Variants in TMEM220 observed in about 807,000 individuals in gnomAD.
TMEM220 encodes the protein transmembrane protein 220.
Under a neutral mutation model 21.7 loss-of-function variants are expected in TMEM220, and 21 were observed. That is an observed-to-expected ratio of 0.97 (90% CI 0.69 to 1.39). The LOEUF (loss-of-function observed/expected upper bound fraction) is 1.39. Ranked by LOEUF, TMEM220 falls within the 40% of genes most tolerant of loss-of-function variation. The probability of loss-of-function intolerance (pLI) is 0.00; values close to 1 mark genes in which losing one functional copy is unlikely to be tolerated. For missense variants in TMEM220, 191 were observed against 201.9 expected (o/e 0.95, Z 0.33); for synonymous variants, 80 against 73.6 (o/e 1.09, Z -0.45).
Position 10,715,527 on chromosome 17 carries a change from T to TA in TMEM220, c.408dup (p.Ile137TyrfsTer9). The TA allele has an allele frequency of 6.2e-7, 1 of 1,605,550 alleles. No individual in the cohort carries two copies. Among genetic ancestry groups the TA allele is most frequent in the East Asian group, 2.3e-5 (1 of 44,436 alleles). Reference sequence around the variant, plus strand: ...TTAATATATATGTAGACCCATGAGATAAATGGGAAAAGTGTGATTACAATG... The same window carrying TA: ...TTAATATATATGTAGACCCATGAGATAAAATGGGAAAAGTGTGATTACAATG... On this transcript the variant is annotated frameshift_variant, in exon 6 of 6. Coordinates refer to ENST00000341871, the MANE Select transcript of TMEM220 (RefSeq NM_001004313.3). LOFTEE classifies it high-confidence loss of function.
chr17:10,720,327 T>C (rs1470992166), intron 5 of TMEM220, among the ~76,000 whole-genome samples: 1 of 152,222 alleles, frequency 6.6e-6, no homozygotes, highest in Non-Finnish European at 1.5e-5. Flanking sequence ...GAGAACTGGT[T>C]GATTAAGCTA....
At chr17:10,729,483 C>G (rs2151483916) in intron 1 of TMEM220, among the ~76,000 whole-genome samples, 1 of 152,312 alleles carries the variant, frequency 6.6e-6, no homozygotes, top group East Asian at 1.9e-4. Context: ...CGTCCGCGGG[C>G]CGGACGTTAA....
intron 4 of TMEM220, chr17:10,724,574 C>T (rs558387973): frequency 3.4e-4 from 41 of 122,308 alleles, no homozygotes; most frequent in African/African-American, 1.4e-3. Context: ...AGCAAGACTC[C>T]GTTTCAAAAA....
downstream of TMEM220, among the ~76,000 whole-genome samples, chr17:10,712,139 G>A (rs1302513887): frequency 1.3e-5 from 2 of 152,208 alleles, no homozygotes; most frequent in African/African-American, 4.8e-5. Flanking sequence ...TGCTCCCTGA[G>A]GAGGGTCTAG....
intron 2 of TMEM220, among the ~76,000 whole-genome samples, chr17:10,726,727 A>G (rs947760858): frequency 1.2e-4 from 19 of 152,212 alleles, no homozygotes; most frequent in Non-Finnish European, 2.6e-4. Context: ...GACCACAGAA[A>G]GTTTTCTAAT....
chr17:10,729,776 T>C lies in TMEM220; in HGVS notation c.72+4A>G. ...GGGTCCCCCTCCCACCGCGGCCGCC[T>C]GACCTGCACCAAGGCCGCCAGCGCG... On this transcript the variant is annotated splice_donor_region_variant and intron_variant, in intron 1 of 5. Coordinates refer to ENST00000341871, the MANE Select transcript of TMEM220 (RefSeq NM_001004313.3). 7.2e-7 allele frequency: 1 copy of C among 1,392,284 alleles called. No homozygotes were observed. The highest frequency in any genetic ancestry group is 9.4e-7 in the Non-Finnish European group (1 of 1,066,374). The allele number at this position is 1,392,284 out of a possible 1,614,324, so 86.2% of individuals were successfully genotyped here.
At chr17:10,711,137 A>C, downstream of TMEM220, 1 of 1,600,852 alleles carries the variant, frequency 6.2e-7, no homozygotes, top group East Asian at 2.2e-5. Context: ...AGAGCCTTCC[A>C]TTGTTAGTCT....
At position 10,729,883 on chromosome 17, in the gene TMEM220, C is replaced by T; in HGVS notation, c.-32G>A. On this transcript the variant is annotated 5_prime_UTR_variant, in exon 1 of 6. Transcript: ENST00000341871. ...GAGAACACGGCGCGGGGCGGTGAGT[C>T]CTGCCACGTGCGGGGCGGTGAGTCC... The T allele has an allele frequency of 7.9e-7, 1 of 1,270,166 alleles. No individual in the cohort carries two copies. Among genetic ancestry groups the T allele is most frequent in the Non-Finnish European group, 9.9e-7 (1 of 1,011,276 alleles). 78.7% of individuals were successfully genotyped at this position (1,270,166 alleles called of 1,614,324 possible). A position where few individuals can be genotyped will look rare whatever the true frequency, so the allele number is the denominator to read the frequency against.
chr17:10,721,643 A>C (rs2074993264), intron 5 of TMEM220, among the ~76,000 whole-genome samples: 1 of 150,628 alleles, frequency 6.6e-6, no homozygotes, highest in African/African-American at 2.4e-5. Flanking sequence ...AAAAGAAAAA[A>C]AAAATAGTTT....
chr17:10,729,136 T>A, intron 1 of TMEM220, 76 bp from the exon 2 acceptor site: 1 of 1,550,304 alleles, frequency 6.5e-7, no homozygotes, highest in Non-Finnish European at 8.9e-7. Flanking sequence ...TTAAGCACAT[T>A]TTTTATTAAT....
intron 1 of TMEM220, among the ~76,000 whole-genome samples, chr17:10,729,498 G>C (rs1036788041): frequency 2.6e-5 from 4 of 152,228 alleles, no homozygotes; most frequent in African/African-American, 9.6e-5. Context: ...CGTTAACGCA[G>C]GAGCCAGGGC....
chr17:10,714,176 C>T lies in TMEM220; in HGVS notation c.*1277G>A, dbSNP rs866323259. 9 of 152,238 alleles carry T rather than the reference C, an allele frequency of 5.9e-5. No individual in the cohort carries two copies. Among genetic ancestry groups the T allele is most frequent in the Non-Finnish European group, 1.2e-4 (8 of 67,982 alleles). 9.4% of individuals were successfully genotyped at this position (152,238 alleles called of 1,614,324 possible). A position where few individuals can be genotyped will look rare whatever the true frequency, so the allele number is the denominator to read the frequency against. On this transcript the variant is annotated 3_prime_UTR_variant, in exon 6 of 6. Coordinates refer to ENST00000341871, the MANE Select transcript of TMEM220 (RefSeq NM_001004313.3). ...ATCAATACAAAAAATATTTTCTGTT[C>T]TTTTTCTACCATGTCTTTAAAATCC...
rs1233290586 is a variant in TMEM220 at position 10,729,898 on chromosome 17, G to A, written c.-47C>T. The A allele has an allele frequency of 5.5e-6, 7 of 1,280,544 alleles. No homozygotes were observed. The highest frequency in any genetic ancestry group is 6.9e-6 in the Non-Finnish European group (7 of 1,011,794). 79.3% of individuals were successfully genotyped at this position (1,280,544 alleles called of 1,614,324 possible). A position where few individuals can be genotyped will look rare whatever the true frequency, so the allele number is the denominator to read the frequency against. Reference sequence around the variant, plus strand: ...GGCGGTGAGTCCTGCCACGTGCGGGGCGGTGAGTCCTGCCACGTACGGTCC... The same window carrying A: ...GGCGGTGAGTCCTGCCACGTGCGGGACGGTGAGTCCTGCCACGTACGGTCC... On this transcript the variant is annotated 5_prime_UTR_variant, in exon 1 of 6. Coordinates refer to ENST00000341871, the MANE Select transcript of TMEM220 (RefSeq NM_001004313.3).
At chr17:10,726,377 G>A in intron 2 of TMEM220, 113 bp from the exon 3 acceptor site, 2 of 857,274 alleles carry the variant, frequency 2.3e-6, no homozygotes, top group Non-Finnish European at 3.9e-6. Context: ...TGTGCCCCAT[G>A]ATTTGCCTCT....
At chr17:10,712,776 A>G (rs2074862819), downstream of TMEM220, among the ~76,000 whole-genome samples, 1 of 152,164 alleles carries the variant, frequency 6.6e-6, no homozygotes, top group Non-Finnish European at 1.5e-5. Context: ...CCGGGCTGGG[A>G]GAAGGGGGAT....
chr17:10,716,049 C>G (rs1319965738), intron 5 of TMEM220: 2 of 636,654 alleles, frequency 3.1e-6, no homozygotes, highest in Non-Finnish European at 5.7e-6. Flanking sequence ...TCCCACCCCC[C>G]CATGTCCACA....
chr17:10,715,693 C>T, intron 5 of TMEM220, 105 bp from the exon 6 acceptor site: 1 of 778,542 alleles, frequency 1.3e-6, no homozygotes, highest in Non-Finnish European at 1.9e-6. Context: ...AGTATGTTCT[C>T]ATCTCAGTTG....
chr17:10,729,219 G>A (rs2075090596), intron 1 of TMEM220, among the ~76,000 whole-genome samples, 159 bp from the exon 2 acceptor site: 1 of 152,172 alleles, frequency 6.6e-6, no homozygotes, highest in Non-Finnish European at 1.5e-5. Context: ...AGATGAGGAC[G>A]GGTGAAGGGG....
intron 5 of TMEM220, among the ~76,000 whole-genome samples, chr17:10,717,324 T>C (rs928404079): frequency 2.0e-5 from 3 of 152,258 alleles, no homozygotes; most frequent in South Asian, 4.1e-4. Flanking sequence ...AGTGTAGATA[T>C]CTTCTATCAG....
Sources: allele counts gnomAD v4.1 joint callset (sites outside exome capture counted in the v4.1 genomes callset), GRCh38; gene constraint gnomAD v4.1.1; transcripts MANE v1.5; gene names NCBI Gene and HGNC (gene_info 2026-07-23, HGNC 2026-07-21).